PTBP3: variants seen among roughly 807,000 people sequenced by gnomAD.
PTBP3 encodes the protein polypyrimidine tract-binding protein 3.
In PTBP3, 20 loss-of-function variants were observed where a neutral mutation model predicts 58.7. That is an observed-to-expected ratio of 0.34 (90% CI 0.24 to 0.50). The LOEUF is 0.50. PTBP3 is among the 20% of genes least tolerant of loss of function. PTBP3 has a pLI of 0.98. For missense variants in PTBP3, 509 were observed against 637.2 expected (o/e 0.80, Z 2.17); for synonymous variants, 185 against 219.8 (o/e 0.84, Z 1.40).
intron 2 of PTBP3, 22 bp downstream of exon 2, chr9:112,297,810 T>TAAAA (rs200517232): frequency 5.7e-5 from 67 of 1,169,078 alleles, no homozygotes; most frequent in South Asian, 2.7e-4. Context: ...AATCAAATAT[T>TAAAA]AAAAAAAAAA....
chr9:112,339,633 G>A, the PTBP3 span, among the ~76,000 whole-genome samples: 1 of 149,100 alleles, frequency 6.7e-6, no homozygotes, highest in Admixed American at 6.8e-5. Flanking sequence ...GAATGATCTC[G>A]GCTCACTGCA....
At chr9:112,315,053 G>A (rs912960763) in intron 1 of PTBP3, among the ~76,000 whole-genome samples, 3 of 151,840 alleles carry the variant, frequency 2.0e-5, no homozygotes, top group South Asian at 2.1e-4. Context: ...GGATGGTCTC[G>A]ATCTCCTGAC....
intron 2 of PTBP3, among the ~76,000 whole-genome samples, chr9:112,287,459 G>A (rs1828186932): frequency 6.8e-6 from 1 of 147,190 alleles, no homozygotes; most frequent in Non-Finnish European, 1.5e-5. Context: ...TCCTACCTCA[G>A]CCTCCCAAGC....
rs1834831692 is a variant in PTBP3, at chr9:112,222,185, C to T, written c.*1666G>A. ...TAAAAGGGGTAGACAAAAAAATGAC[C>T]CTTTTGACAAATTCTGCTTTAAAAA... On this transcript the variant is annotated 3_prime_UTR_variant, in exon 14 of 14. Transcript: ENST00000374257. The T allele has an allele frequency of 6.1e-6, 6 of 985,148 alleles. No homozygotes were observed. In the South Asian group the frequency reaches 2.8e-4, roughly 46 times the overall value. The allele number at this position is 985,148 out of a possible 1,614,324, so 61.0% of individuals were successfully genotyped here. A position where few individuals can be genotyped will look rare whatever the true frequency, so the allele number is the denominator to read the frequency against.
At chr9:112,357,444 T>C in the PTBP3 span, among the ~76,000 whole-genome samples, 1 of 152,124 alleles carries the variant, frequency 6.6e-6, no homozygotes, top group Non-Finnish European at 1.5e-5. Flanking sequence ...TCGACCTTCC[T>C]GGGCTCAGTT....
rs559254224 is a variant in PTBP3, at chr9:112,269,126, G to A, written c.205-931C>T. Among the ~76,000 whole-genome samples, 10 of 151,404 alleles carry A rather than the reference G, an allele frequency of 6.6e-5. 1 individual carries two copies. In the South Asian group the frequency reaches 2.1e-3, roughly 32 times the overall value. The stretch of plus-strand genomic sequence containing the variant: ...GCAGGAGAATCACTTGAACCCAGGA[G>A]GCGGAGGTTGCAGTGAGCCGAGATC... On this transcript the variant is annotated intron_variant, in intron 3 of 13. Coordinates refer to ENST00000374257, the MANE Select transcript of PTBP3 (RefSeq NM_001163788.4).
At chr9:112,376,198 C>T in the PTBP3 span, among the ~76,000 whole-genome samples, 1,027 of 4,008 alleles carry the variant, frequency 0.26, 55 homozygotes, top group Admixed American at 0.49. Context: ...TCCTTATATA[C>T]GTGTGTGTGT....
At chr9:112,305,614 C>T (rs1195907003) in intron 1 of PTBP3, among the ~76,000 whole-genome samples, 7 of 152,112 alleles carry the variant, frequency 4.6e-5, no homozygotes, top group African/African-American at 9.7e-5. Context: ...TTTTAATCTG[C>T]GTCCTTTTCC....
upstream of PTBP3, among the ~76,000 whole-genome samples, chr9:112,334,416 T>C (rs1185831190): frequency 6.6e-6 from 1 of 152,136 alleles, no homozygotes; most frequent in Admixed American, 6.6e-5. Flanking sequence ...TTGCTCACAG[T>C]TTCACAACCA....
At chr9:112,250,426 T>C (rs1334297415) in intron 7 of PTBP3, among the ~76,000 whole-genome samples, 1 of 152,186 alleles carries the variant, frequency 6.6e-6, no homozygotes, top group African/African-American at 2.4e-5. Context: ...TTTTTACTAA[T>C]GCAAAATGCA....
At chr9:112,245,875 T>C (rs1360036687) in intron 7 of PTBP3, among the ~76,000 whole-genome samples, 2 of 152,120 alleles carry the variant, frequency 1.3e-5, no homozygotes, top group Admixed American at 6.5e-5. Flanking sequence ...AAAATAAGAA[T>C]CTATGAGTCC....
At chr9:112,257,064 T>C (rs994838506) in intron 5 of PTBP3, among the ~76,000 whole-genome samples, 1 of 152,230 alleles carries the variant, frequency 6.6e-6, no homozygotes, top group African/African-American at 2.4e-5. Context: ...TGTTAATGTT[T>C]ACATTCCTTT....
the PTBP3 span, among the ~76,000 whole-genome samples, chr9:112,341,389 C>G: frequency 5.3e-5 from 8 of 152,176 alleles, no homozygotes; most frequent in African/African-American, 1.9e-4. Flanking sequence ...GCCTCGGCCT[C>G]TTGAAGTGCT....
At chr9:112,311,216 C>A (rs547687763) in intron 1 of PTBP3, among the ~76,000 whole-genome samples, 11 of 151,210 alleles carry the variant, frequency 7.3e-5, no homozygotes, top group African/African-American at 2.2e-4. Flanking sequence ...TTTTAATATA[C>A]GATTGGCCCA....
intron 1 of PTBP3, among the ~76,000 whole-genome samples, chr9:112,307,315 A>G (rs868414315): frequency 2.0e-5 from 3 of 152,122 alleles, no homozygotes; most frequent in African/African-American, 4.8e-5. Context: ...TTAGCCGGGC[A>G]TGGTACCACA....
chr9:112,269,196 C>CAAAAA, intron 3 of PTBP3, among the ~76,000 whole-genome samples: 1 of 91,292 alleles, frequency 1.1e-5, no homozygotes, highest in Non-Finnish European at 2.2e-5. Context: ...AACTCTGTCT[C>CAAAAA]AAAAAAAAAA....
chr9:112,373,275 G>A, the PTBP3 span, among the ~76,000 whole-genome samples: 1 of 152,142 alleles, frequency 6.6e-6, no homozygotes, highest in African/African-American at 2.4e-5. Flanking sequence ...AACAAGGAGA[G>A]CCAGTCTGAG....
chr9:112,343,080 C>T, the PTBP3 span, among the ~76,000 whole-genome samples: 3 of 152,010 alleles, frequency 2.0e-5, no homozygotes, highest in Non-Finnish European at 4.4e-5. Flanking sequence ...AGGGCTGGAT[C>T]GGGGAAAATG....
chr9:112,239,807 AAGGAAGGAAGGG>A (rs1319970980), intron 7 of PTBP3, among the ~76,000 whole-genome samples: 1 of 85,150 alleles, frequency 1.2e-5, no homozygotes, highest in African/African-American at 6.5e-5. Context: ...GAAGAAAAGG[AAGGAAGGAAGGG>A]AGGAAGGGAG....
Sources: gnomAD v4.1 joint callset for allele counts (sites outside exome capture counted in the v4.1 genomes callset) on GRCh38, gnomAD v4.1.1 for gene constraint, MANE v1.5 for transcripts, NCBI Gene and HGNC (gene_info 2026-07-23, HGNC 2026-07-21) for gene names.